Variants in BRINP2 observed in about 807,000 individuals in gnomAD.
BRINP2 encodes the protein BMP/retinoic acid inducible neural specific 2, also known as BMP/retinoic acid-inducible neural-specific protein 2.
BRINP2 carries 21 observed loss-of-function variants against 69.2 expected under a neutral mutation model. That is an observed-to-expected ratio of 0.30 (90% CI 0.22 to 0.44). The LOEUF is 0.44. Ranked by LOEUF, BRINP2 falls within the 20% of genes least tolerant of loss-of-function variation. The probability of loss-of-function intolerance (pLI) is 1.00; values close to 1 mark genes in which losing one functional copy is unlikely to be tolerated. For missense variants in BRINP2, 877 were observed against 986.0 expected (o/e 0.89, Z 1.48); for synonymous variants, 380 against 394.1 (o/e 0.96, Z 0.42).
chr1:177,177,257 G>C (rs1308049733), intron 1 of BRINP2, among the ~76,000 whole-genome samples: 3 of 151,700 alleles, frequency 2.0e-5, no homozygotes, highest in Admixed American at 6.6e-5. Context: ...CTCCAGCCTG[G>C]GCAACAGAGC....
intron 1 of BRINP2, among the ~76,000 whole-genome samples, chr1:177,177,513 T>C (rs552544704): frequency 1.3e-5 from 2 of 152,344 alleles, no homozygotes; most frequent in South Asian, 2.1e-4. Context: ...AAGCTTTCTC[T>C]CACTTGATTC....
intron 1 of BRINP2, among the ~76,000 whole-genome samples, chr1:177,177,041 G>A (rs1203755396): frequency 6.6e-6 from 1 of 152,068 alleles, no homozygotes; most frequent in Non-Finnish European, 1.5e-5. Context: ...CATTCCTTGT[G>A]AGAGCTTTCT....
intron 4 of BRINP2, among the ~76,000 whole-genome samples, chr1:177,268,028 C>A (rs189169030): frequency 6.6e-6 from 1 of 152,214 alleles, no homozygotes; most frequent in Non-Finnish European, 1.5e-5. Flanking sequence ...TTTTCCCCCA[C>A]CTTCTTCTCT....
Position 177,229,790 on chromosome 1 carries a change from T to G in BRINP2, c.-76-11T>G. The G allele has an allele frequency of 1.3e-6, 2 of 1,496,578 alleles. No homozygotes were observed. Among genetic ancestry groups the G allele is most frequent in the Non-Finnish European group, 1.8e-6 (2 of 1,119,518 alleles). The allele number at this position is 1,496,578 out of a possible 1,614,324, so 92.7% of individuals were successfully genotyped here. A position where few individuals can be genotyped will look rare whatever the true frequency, so the allele number is the denominator to read the frequency against. Reference sequence around the variant, plus strand: ...GGTGCTCAAATGACAATGCCTTTTGTACTTTTCCAGCTCCGAGCCCTGGAG... The same window carrying G: ...GGTGCTCAAATGACAATGCCTTTTGGACTTTTCCAGCTCCGAGCCCTGGAG... On this transcript the variant is annotated splice_polypyrimidine_tract_variant and intron_variant, in intron 1 of 7. Coordinates refer to ENST00000361539, the MANE Select transcript of BRINP2 (RefSeq NM_021165.4).
chr1:177,273,618 A>T, intron 5 of BRINP2, 25 bp downstream of exon 5: 3 of 1,440,228 alleles, frequency 2.1e-6, no homozygotes, highest in Non-Finnish European at 2.8e-6. Context: ...GATGGTTTTC[A>T]TACCTTTCAC....
chr1:177,256,700 G>T, intron 3 of BRINP2: 1 of 1,062,776 alleles, frequency 9.4e-7, no homozygotes, highest in Non-Finnish European at 1.1e-6. Context: ...ATAACATTTA[G>T]CTCACTGTCC....
chr1:177,183,224 A>C (rs12090000), intron 1 of BRINP2, among the ~76,000 whole-genome samples: 1 of 142,862 alleles, frequency 7.0e-6, no homozygotes, highest in Non-Finnish European at 1.5e-5. Context: ...TGGATTTGGC[A>C]GTGACTTAAA....
chr1:177,207,692 T>TGGTG (rs1553269400), intron 1 of BRINP2, among the ~76,000 whole-genome samples: 1 of 152,162 alleles, frequency 6.6e-6, no homozygotes, highest in Non-Finnish European at 1.5e-5. Flanking sequence ...GTTGCCGACA[T>TGGTG]GGTGGCCGTT....
chr1:177,226,874 C>A (rs1456877498), intron 1 of BRINP2, among the ~76,000 whole-genome samples: 1 of 146,358 alleles, frequency 6.8e-6, no homozygotes, highest in Non-Finnish European at 1.5e-5. Flanking sequence ...CCCCCATAAG[C>A]AGTTCACCAT....
intron 4 of BRINP2, among the ~76,000 whole-genome samples, chr1:177,261,815 G>C (rs1035131400): frequency 2.6e-5 from 4 of 152,214 alleles, no homozygotes; most frequent in Non-Finnish European, 4.4e-5. Context: ...GGGAAGAAGA[G>C]AGGATCCAAC....
chr1:177,269,742 G>A lies in BRINP2; in HGVS notation c.670-3746G>A, dbSNP rs74593285. ...AAGAGCAGCCTGAAAGTGGACGGTG[G>A]AGGGTGGGGAGAGCAGACTGGCTGG... On this transcript the variant is annotated intron_variant, in intron 4 of 7. Transcript: ENST00000361539. 3.4e-3 allele frequency among the ~76,000 whole-genome samples: 513 copies of A among 152,284 alleles called. 2 individuals carry two copies. The highest frequency in any genetic ancestry group is 0.012 in the African/African-American group (491 of 41,556).
intron 1 of BRINP2, among the ~76,000 whole-genome samples, chr1:177,226,328 C>T (rs1558166509): frequency 2.0e-5 from 3 of 152,170 alleles, no homozygotes; most frequent in Admixed American, 1.3e-4. Flanking sequence ...TGGTCTCTGA[C>T]CTTAAGGGGT....
chr1:177,176,512 C>CATTATTATT (rs3041971), intron 1 of BRINP2, among the ~76,000 whole-genome samples: 1 of 143,146 alleles, frequency 7.0e-6, no homozygotes. Context: ...AAGTGGCTGG[C>CATTATTATT]ATTATTATTA....
At chr1:177,228,248 G>C (rs1328318174) in intron 1 of BRINP2, among the ~76,000 whole-genome samples, 1 of 152,236 alleles carries the variant, frequency 6.6e-6, no homozygotes, top group Non-Finnish European at 1.5e-5. Flanking sequence ...CACTCAAGCT[G>C]TGTCCTCCAT....
intron 1 of BRINP2, among the ~76,000 whole-genome samples, chr1:177,206,475 C>T (rs1328314928): frequency 2.0e-5 from 3 of 152,198 alleles, no homozygotes; most frequent in Non-Finnish European, 4.4e-5. Flanking sequence ...TCTTTGTGTA[C>T]ATCTTCAAAA....
At position 177,276,188 on chromosome 1, in the gene BRINP2, C is replaced by G; in HGVS notation, c.776-10C>G. 6.2e-7 allele frequency: 1 copy of G among 1,607,924 alleles called. No individual in the cohort carries two copies. The highest frequency in any genetic ancestry group is 8.5e-7 in the Non-Finnish European group (1 of 1,175,260). ...CTTCCCAGAGATTCCTTGACACATC[C>G]TTTCCCCAGGCCTTCAGGTGCTGCT... On this transcript the variant is annotated splice_polypyrimidine_tract_variant and intron_variant, in intron 5 of 7. Transcript: ENST00000361539.
chr1:177,194,871 C>A (rs1196349450), intron 1 of BRINP2, among the ~76,000 whole-genome samples: 1 of 152,088 alleles, frequency 6.6e-6, no homozygotes, highest in Admixed American at 6.5e-5. Context: ...TGTACTTTCT[C>A]CAGTGGTATT....
rs575803287 is a variant in BRINP2 at position 177,234,379 on chromosome 1, T to A, written c.269+4234T>A. On this transcript the variant is annotated intron_variant, in intron 2 of 7. Transcript: ENST00000361539. ...TTGACTGGTAAGTGCATCTTCATCA[T>A]AACACGCACCTACTCAGGCACCTAA... Among the ~76,000 whole-genome samples, 22 of 152,366 alleles carry A rather than the reference T, an allele frequency of 1.4e-4. No homozygotes were observed. In the South Asian group the frequency reaches 4.6e-3, roughly 32 times the overall value.
intron 1 of BRINP2, among the ~76,000 whole-genome samples, chr1:177,178,157 C>A (rs932420451): frequency 9.2e-5 from 14 of 152,198 alleles, no homozygotes; most frequent in African/African-American, 3.4e-4. Flanking sequence ...AGGCTCTCAC[C>A]CTTCTCTCCA....
Sources: gnomAD v4.1 joint callset for allele counts (sites outside exome capture counted in the v4.1 genomes callset) on GRCh38, gnomAD v4.1.1 for gene constraint, MANE v1.5 for transcripts, NCBI Gene and HGNC (gene_info 2026-07-23, HGNC 2026-07-21) for gene names.